Variants in CAPN11 observed in about 807,000 individuals in gnomAD.
The protein encoded by CAPN11 is calpain 11.
In CAPN11, 108 loss-of-function variants were observed where a neutral mutation model predicts 105.3. The observed-to-expected ratio is 1.03, with a 90% CI of 0.88 to 1.20. The LOEUF (loss-of-function observed/expected upper bound fraction) is 1.20, where lower values mean the gene tolerates loss of function less well. CAPN11 is among the 50% of genes most tolerant of loss of function. The pLI is 0.00. For synonymous variants in CAPN11, 329 were observed against 344.5 expected (o/e 0.96, Z 0.50); for missense variants, 883 against 924.8 (o/e 0.95, Z 0.59).
Position 44,183,927 on chromosome 6 carries a change from G to C in CAPN11, c.2215G>C (p.Gly739Arg), listed in dbSNP as rs749806809. 14 of 1,555,460 alleles carry C rather than the reference G, an allele frequency of 9.0e-6. No individual in the cohort carries two copies. Among genetic ancestry groups the C allele is most frequent in the Non-Finnish European group, 1.1e-5 (13 of 1,149,210 alleles). ...LEQWLQMTMW[G>R] ...ACAGTGGCTGCAGATGACCATGTGG[G>C]GATAGAGGCGCTGTAGGAGCCTGGT... Residue 739 changes from glycine (G) to arginine (R), a missense_variant, in exon 23 of 23, where the codon GGA becomes CGA. Transcript: ENST00000398776.
chr6:44,173,127 G>C, intron 6 of CAPN11, 54 bp downstream of exon 6: 1 of 1,604,648 alleles, frequency 6.2e-7, no homozygotes, highest in Non-Finnish European at 8.5e-7. Context: ...CTGGACAGCT[G>C]GAATCAGGGG....
Position 44,181,289 on chromosome 6 carries a change from A to C in CAPN11, c.1907A>C (p.Lys636Thr). The change falls in exon 19 of 23, where the codon AAG (lysine) becomes ACG (threonine). Residue 636 changes from lysine (K) to threonine (T), a missense_variant. Lys to Thr is a moderately conservative substitution (Grantham distance 78, BLOSUM62 -1). Coordinates refer to ENST00000398776, the MANE Select transcript of CAPN11 (RefSeq NM_007058.4). Reference protein sequence around the residue: ...GSGKLGLLEFKILWKKLKKWM... With the variant: ...GSGKLGLLEFTILWKKLKKWM... ...GGCAAGCTGGGGCTTCTAGAGTTCAAGATCCTGTGGAAAAAACTCAAGAAA... is the reference window on the plus strand; with the variant it reads ...GGCAAGCTGGGGCTTCTAGAGTTCACGATCCTGTGGAAAAAACTCAAGAAA... The C allele has an allele frequency of 2.5e-6, 4 of 1,613,602 alleles. No homozygotes were observed. Among genetic ancestry groups the C allele is most frequent in the Non-Finnish European group, 3.4e-6 (4 of 1,179,638 alleles).
rs535924523 is a variant in CAPN11 at position 44,176,124 on chromosome 6, C to T, written c.888C>T (p.His296=). The T allele has an allele frequency of 9.4e-5, 151 of 1,612,984 alleles. No homozygotes were observed. In the Middle Eastern group the frequency reaches 5.4e-3, roughly 58 times the overall value. Residue 296 remains histidine, a synonymous_variant, in exon 8 of 23, where the codon CAC becomes CAT. Coordinates refer to ENST00000398776, the MANE Select transcript of CAPN11 (RefSeq NM_007058.4). ...SMTDKMLVRG[H]AYSVTGLQDV... is the part of the protein sequence containing the mutation. Reference sequence around the variant, plus strand: ...CTGACAAGATGCTGGTGAGAGGGCACGCTTACTCTGTGACTGGCCTTCAGG... The same window carrying T: ...CTGACAAGATGCTGGTGAGAGGGCATGCTTACTCTGTGACTGGCCTTCAGG...
chr6:44,170,014 G>A, intron 4 of CAPN11, 39 bp downstream of exon 4: 1 of 1,516,820 alleles, frequency 6.6e-7, no homozygotes, highest in Non-Finnish European at 9.1e-7. Context: ...ACCTGGGCAA[G>A]AGGATTGGGG....
chr6:44,167,127 T>C (rs914501), intron 2 of CAPN11, among the ~76,000 whole-genome samples: 115,959 of 151,810 alleles, frequency 0.76, 45,170 homozygotes, highest in African/African-American at 0.92. Context: ...TCAGCCATTA[T>C]CTGACCCGGT....
chr6:44,182,404 A>G (rs142369090), intron 19 of CAPN11, among the ~76,000 whole-genome samples: 4 of 152,348 alleles, frequency 2.6e-5, no homozygotes, highest in African/African-American at 9.6e-5. Context: ...TATAACAAGT[A>G]TAGCTCAGGT....
At chr6:44,161,079 A>T (rs1768697998) in intron 1 of CAPN11, among the ~76,000 whole-genome samples, 1 of 151,790 alleles carries the variant, frequency 6.6e-6, no homozygotes, top group Non-Finnish European at 1.5e-5. Context: ...TGTGCTTCCC[A>T]CAGGCAGCCT....
chr6:44,180,965 G>A lies in CAPN11; in HGVS notation c.1837G>A (p.Asp613Asn). The stretch of plus-strand genomic sequence containing the variant: ...CTTCAAGACCAAGGGCTTTGGCCTG[G>A]ATGCTTGCCGCTGCATGATCAACCT... The part of the protein sequence containing the change: ...KSFKTKGFGL[D>N]ACRCMINLMD... Residue 613 changes from aspartate to asparagine, a missense_variant, in exon 18 of 23, where the codon GAT (aspartate) becomes AAT (asparagine). Coordinates refer to ENST00000398776, the MANE Select transcript of CAPN11 (RefSeq NM_007058.4). 1 of 1,613,680 alleles carries A rather than the reference G, an allele frequency of 6.2e-7. No individual in the cohort carries two copies. The highest frequency in any genetic ancestry group is 1.1e-5 in the South Asian group (1 of 91,076).
At position 44,177,393 on chromosome 6, in the gene CAPN11, G is replaced by A. The variant is rs937617952; in HGVS notation, c.1389G>A (p.Leu463=). Reference sequence around the variant, plus strand: ...ATGCACGGCAGCAGGGAGCCCAGCTGCAGACCATTGGCTTTGTCCTCTACG... The same window carrying A: ...ATGCACGGCAGCAGGGAGCCCAGCTACAGACCATTGGCTTTGTCCTCTACG... ...WRHARQQGAQ[L]QTIGFVLYAV... Residue 463 remains leucine (L), a synonymous_variant, in exon 12 of 23, where the codon CTG becomes CTA. Coordinates refer to ENST00000398776, the MANE Select transcript of CAPN11 (RefSeq NM_007058.4). 4 of 1,613,468 alleles carry A rather than the reference G, an allele frequency of 2.5e-6. No homozygotes were observed. In the African/African-American group the frequency reaches 4.0e-5, roughly 16 times the overall value.
intron 7 of CAPN11, among the ~76,000 whole-genome samples, chr6:44,174,344 G>A (rs1007979249): frequency 6.6e-6 from 1 of 152,010 alleles, no homozygotes; most frequent in Admixed American, 6.6e-5. Flanking sequence ...GATACTCAGA[G>A]AAACTAGGAC....
At chr6:44,182,322 G>A (rs1329545763) in intron 19 of CAPN11, among the ~76,000 whole-genome samples, 1 of 136,700 alleles carries the variant, frequency 7.3e-6, no homozygotes, top group East Asian at 2.1e-4. Flanking sequence ...CTCACATACA[G>A]ACACAACCAC....
Position 44,158,882 on chromosome 6 carries a change from C to T in CAPN11, c.16+18C>T. ...CTCCCCAGGTAGGCACTCATGGGGC[C>T]TTGCCCCACTCCTGTACCTCCTGCA... On this transcript the variant is annotated intron_variant, in intron 1 of 22. Coordinates refer to ENST00000398776, the MANE Select transcript of CAPN11 (RefSeq NM_007058.4). 1 of 1,548,664 alleles carries T rather than the reference C, an allele frequency of 6.5e-7. No individual in the cohort carries two copies. The highest frequency in any genetic ancestry group is 1.2e-5 in the South Asian group (1 of 83,994).
intron 15 of CAPN11, 21 bp downstream of exon 15, chr6:44,180,520 T>TG: frequency 1.2e-6 from 2 of 1,613,742 alleles, no homozygotes; most frequent in Non-Finnish European, 8.5e-7. Flanking sequence ...ACTGTAGGGC[T>TG]GGGGGTTGGA....
At chr6:44,170,042 C>T in intron 4 of CAPN11, 67 bp downstream of exon 4, 2 of 1,278,702 alleles carry the variant, frequency 1.6e-6, no homozygotes, top group Non-Finnish European at 2.2e-6. Context: ...GCCAGGGTGT[C>T]TTTTGAAGCT....
intron 10 of CAPN11, 25 bp from the exon 11 acceptor site, chr6:44,176,813 G>A (rs181457900): frequency 1.4e-5 from 23 of 1,612,638 alleles, no homozygotes; most frequent in Admixed American, 1.2e-4. Context: ...TGCTGCTGAC[G>A]GGCTCCACCC....
chr6:44,164,588 C>T (rs1255217548), intron 1 of CAPN11, among the ~76,000 whole-genome samples: 4 of 152,162 alleles, frequency 2.6e-5, no homozygotes, highest in South Asian at 2.1e-4. Context: ...CCAAGTTCTG[C>T]GCGGACACCA....
Position 44,166,899 on chromosome 6 carries a change from C to T in CAPN11, c.88+70C>T, listed in dbSNP as rs560686072. On this transcript the variant is annotated intron_variant, in intron 2 of 22. Transcript: ENST00000398776. ...TCCTCCTCCTTCACTCTCTTCTCTTCCCCTGGGCCTGCTGGTGGGGGAAGT... is the reference window on the plus strand; with the variant it reads ...TCCTCCTCCTTCACTCTCTTCTCTTTCCCTGGGCCTGCTGGTGGGGGAAGT... 7.3e-4 allele frequency: 789 copies of T among 1,087,140 alleles called. 5 individuals carry two copies. In the African/African-American group the frequency reaches 0.011, roughly 15 times the overall value. The allele number at this position is 1,087,140 out of a possible 1,614,324, so 67.3% of individuals were successfully genotyped here.
chr6:44,178,716 C>A (rs1165836817), intron 12 of CAPN11, among the ~76,000 whole-genome samples: 1 of 143,048 alleles, frequency 7.0e-6, no homozygotes, highest in African/African-American at 2.7e-5. Flanking sequence ...AATTTAACAC[C>A]AGCCTGGGCA....
rs767862127 is a variant in CAPN11, at chr6:44,182,892, A to C, written c.1939-49A>C. 5 of 1,399,502 alleles carry C rather than the reference A, an allele frequency of 3.6e-6. No homozygotes were observed. The Admixed American group carries it at 9.5e-5, about 27-fold the overall frequency. 86.7% of individuals were successfully genotyped at this position (1,399,502 alleles called of 1,614,324 possible). ...CCCGGCCTCAGTATTTCATTATTTC[A>C]ACCACCATGCCATGCATGTGGCCCT... On this transcript the variant is annotated intron_variant, in intron 19 of 22. Transcript: ENST00000398776.
Sources: allele counts gnomAD v4.1 joint callset (sites outside exome capture counted in the v4.1 genomes callset), GRCh38; gene constraint gnomAD v4.1.1; transcripts MANE v1.5; gene names NCBI Gene and HGNC (gene_info 2026-07-23, HGNC 2026-07-21).